The following TAS2R1 variants were observed in gnomAD, a reference collection of about 807,000 sequenced individuals.
The protein encoded by TAS2R1 is taste receptor type 2 member 1.
For synonymous variants in TAS2R1, 141 were observed against 134.2 expected (o/e 1.05, Z -0.35); for missense variants, 370 against 353.4 (o/e 1.05, Z -0.38).
At chr5:9,780,411 G>T in the TAS2R1 span, among the ~76,000 whole-genome samples, 1 of 152,146 alleles carries the variant, frequency 6.6e-6, no homozygotes, top group Non-Finnish European at 1.5e-5. Flanking sequence ...GATTCCTTTG[G>T]CTAACTGGTC....
At chr5:9,703,171 G>A (rs911259766) in intron 1 of TAS2R1, among the ~76,000 whole-genome samples, 1 of 152,088 alleles carries the variant, frequency 6.6e-6, no homozygotes, top group African/African-American at 2.4e-5. Context: ...GCCAACAGCT[G>A]GAGAACTGTC....
At chr5:9,903,426 C>T in the TAS2R1 span, 11 of 152,020 alleles carry the variant, frequency 7.2e-5, no homozygotes, top group Non-Finnish European at 1.3e-4. Context: ...GCAGCCATCA[C>T]CTAAGCAGTG....
At chr5:9,778,990 T>C in the TAS2R1 span, among the ~76,000 whole-genome samples, 7 of 152,228 alleles carry the variant, frequency 4.6e-5, no homozygotes, top group Admixed American at 2.6e-4. Flanking sequence ...GCTTTCAACA[T>C]GCCTTCCTGA....
At chr5:9,903,221 T>C in the TAS2R1 span, among the ~76,000 whole-genome samples, 11,423 of 152,122 alleles carry the variant, frequency 0.075, 656 homozygotes, top group South Asian at 0.19. Context: ...TCCCCACCTC[T>C]ATAAGTAAGT....
intron 2 of TAS2R1, among the ~76,000 whole-genome samples, chr5:9,636,145 G>A (rs2106688): frequency 0.12 from 17,981 of 151,768 alleles, 1,279 homozygotes; most frequent in South Asian, 0.18. Flanking sequence ...CACTATTACC[G>A]TTCAGCTCAA....
At chr5:9,663,167 G>T (rs879850569) in intron 1 of TAS2R1, among the ~76,000 whole-genome samples, 69 of 152,060 alleles carry the variant, frequency 4.5e-4, no homozygotes, top group Non-Finnish European at 7.9e-4. Context: ...TTGGAAATTA[G>T]CTTAATCTCA....
At chr5:9,780,323 T>C in the TAS2R1 span, among the ~76,000 whole-genome samples, 2 of 152,190 alleles carry the variant, frequency 1.3e-5, no homozygotes, top group African/African-American at 2.4e-5. Flanking sequence ...TCACCAGCCC[T>C]CCACTGCACT....
At chr5:9,896,045 C>T in the TAS2R1 span, among the ~76,000 whole-genome samples, 1 of 152,188 alleles carries the variant, frequency 6.6e-6, no homozygotes, top group African/African-American at 2.4e-5. Flanking sequence ...TTAAAGCTAT[C>T]CAAGATATGG....
the TAS2R1 span, among the ~76,000 whole-genome samples, chr5:9,835,839 G>C: frequency 6.6e-6 from 1 of 152,116 alleles, no homozygotes; most frequent in Admixed American, 6.5e-5. Flanking sequence ...TTGATCCCAG[G>C]GTGGCTGAGT....
chr5:9,726,497 A>G, the TAS2R1 span, among the ~76,000 whole-genome samples: 4 of 152,110 alleles, frequency 2.6e-5, no homozygotes, highest in African/African-American at 9.7e-5. Context: ...ACTCTTTGCA[A>G]TAAATCTTGC....
chr5:9,882,828 A>G, the TAS2R1 span, among the ~76,000 whole-genome samples: 4 of 152,162 alleles, frequency 2.6e-5, no homozygotes, highest in Non-Finnish European at 4.4e-5. Context: ...CTAGGTATAT[A>G]CCCAAAGGAA....
intron 2 of TAS2R1, chr5:9,658,862 A>G (rs2126493818): frequency 6.6e-6 from 1 of 152,376 alleles, no homozygotes; most frequent in Non-Finnish European, 1.5e-5. Flanking sequence ...CCACCATAAC[A>G]GCACAACACG....
the TAS2R1 span, among the ~76,000 whole-genome samples, chr5:9,851,674 G>A: frequency 3.3e-5 from 5 of 152,124 alleles, no homozygotes; most frequent in African/African-American, 1.2e-4. Flanking sequence ...ACAGATCATC[G>A]TCTGGCAAAG....
intron 2 of TAS2R1, among the ~76,000 whole-genome samples, chr5:9,652,087 A>T (rs1375356113): frequency 6.6e-6 from 1 of 152,224 alleles, no homozygotes; most frequent in Non-Finnish European, 1.5e-5. Context: ...TTATATGTAT[A>T]TTCACATGAC....
chr5:9,721,838 A>G, the TAS2R1 span, among the ~76,000 whole-genome samples: 1 of 152,206 alleles, frequency 6.6e-6, no homozygotes, highest in Non-Finnish European at 1.5e-5. Context: ...AAAAATATCT[A>G]CTTTTTCTAC....
the TAS2R1 span, among the ~76,000 whole-genome samples, chr5:9,877,589 C>A: frequency 1.3e-5 from 2 of 152,194 alleles, no homozygotes; most frequent in Non-Finnish European, 2.9e-5. Flanking sequence ...ATTGTAGTAA[C>A]ATACTGTCTC....
intron 1 of TAS2R1, among the ~76,000 whole-genome samples, chr5:9,667,597 G>A (rs893816532): frequency 1.2e-4 from 19 of 152,168 alleles, no homozygotes; most frequent in African/African-American, 4.1e-4. Context: ...GCCCCTGCCC[G>A]AGGGAGACAC....
chr5:9,691,920 A>G (rs1318494273), intron 1 of TAS2R1, among the ~76,000 whole-genome samples: 5 of 152,204 alleles, frequency 3.3e-5, no homozygotes, highest in Non-Finnish European at 5.9e-5. Context: ...AGGATAAAAC[A>G]GGGATGACAT....
the TAS2R1 span, among the ~76,000 whole-genome samples, chr5:9,834,600 AAT>A: frequency 6.6e-6 from 1 of 152,180 alleles, no homozygotes; most frequent in Non-Finnish European, 1.5e-5. Context: ...AACCACAGCA[AAT>A]ACTTGTATTT....
Sources: gnomAD v4.1 joint callset for allele counts (sites outside exome capture counted in the v4.1 genomes callset) on GRCh38, gnomAD v4.1.1 for gene constraint, MANE v1.5 for transcripts, NCBI Gene and HGNC (gene_info 2026-07-23, HGNC 2026-07-21) for gene names.